Variants in PGBD1 observed in about 807,000 individuals in gnomAD.
The protein encoded by PGBD1 is piggyBac transposable element-derived protein 1.
PGBD1 carries 25 observed loss-of-function variants against 34.7 expected under a neutral mutation model. The observed-to-expected ratio is 0.72, with a 90% confidence interval of 0.52 to 1.00. The LOEUF (loss-of-function observed/expected upper bound fraction) is 1.00, where lower values mean the gene tolerates loss of function less well. Ranked by LOEUF, PGBD1 falls within the 50% of genes least tolerant of loss-of-function variation. The pLI is 0.00. For missense variants in PGBD1, 830 were observed against 959.4 expected, an observed-to-expected ratio of 0.87 and a Z score of 1.78; for synonymous variants, 292 against 335.7, an observed-to-expected ratio of 0.87 and a Z score of 1.42.
chr6:28,301,329 C>G lies in PGBD1; in HGVS notation c.1475C>G (p.Ala492Gly). 1 of 1,614,060 alleles carries G rather than the reference C, an allele frequency of 6.2e-7. No individual in the cohort carries two copies. The highest frequency in any genetic ancestry group is 8.5e-7 in the Non-Finnish European group (1 of 1,180,020). ...ACCGATCAGAACCTGGTTAGAGATG[C>G]AATCAGAAGGGACAGATTTGAATTG... The part of the protein sequence containing the change: ...SDTDQNLVRD[A>G]IRRDRFELIF... Residue 492 changes from alanine to glycine, a missense_variant, in exon 7 of 7, where the codon GCA becomes GGA. Ala to Gly is a moderately conservative substitution (Grantham distance 60). This residue lies in a region of PGBD1 where 372 missense variants were observed against 427.9 expected (regional missense o/e 0.87). Transcript: ENST00000682144.
rs1762202491 is a variant in PGBD1, at chr6:28,283,924, C to T, written c.111C>T (p.Ser37=). 1 of 1,613,976 alleles carries T rather than the reference C, an allele frequency of 6.2e-7. No homozygotes were observed. The highest frequency in any genetic ancestry group is 8.5e-7 in the Non-Finnish European group (1 of 1,179,990). ...EQVCNSQEGS[S]HTQEICRLRF... is the part of the protein sequence containing the mutation. Reference sequence around the variant, plus strand: ...TGTGCAACTCACAGGAGGGCAGCTCCCACACTCAGGAGATTTGCCGCCTGC... The same window carrying T: ...TGTGCAACTCACAGGAGGGCAGCTCTCACACTCAGGAGATTTGCCGCCTGC... The change falls in exon 2 of 7, where the codon TCC becomes TCT. Residue 37 remains serine, a synonymous_variant. Coordinates refer to ENST00000682144, the MANE Select transcript of PGBD1 (RefSeq NM_032507.4).
Position 28,283,974 on chromosome 6 carries a change from AG to A in PGBD1, c.163del (p.Ala55LeufsTer19). 1 of 1,614,194 alleles carries A rather than the reference AG, an allele frequency of 6.2e-7. No homozygotes were observed. The highest frequency in any genetic ancestry group is 8.5e-7 in the Non-Finnish European group (1 of 1,180,028). On this transcript the variant is annotated frameshift_variant, in exon 2 of 7. Coordinates refer to ENST00000682144, the MANE Select transcript of PGBD1 (RefSeq NM_032507.4). LOFTEE classifies it high-confidence loss of function. ...RLRFRHFCYQ[E>X]AHGPQEALAQ... ...CGCTTTCGGCACTTCTGCTACCAGG[AG>A]GCTCACGGACCCCAGGAAGCTCTGG...
At chr6:28,282,394 A>G (rs535347738) in intron 1 of PGBD1, among the ~76,000 whole-genome samples, 11 of 152,340 alleles carry the variant, frequency 7.2e-5, no homozygotes, top group African/African-American at 2.6e-4. Flanking sequence ...AATTTACTTC[A>G]ACGAGTTTAA....
chr6:28,284,248 AG>A (rs1413623353), intron 2 of PGBD1, 39 bp downstream of exon 2: 6 of 1,452,650 alleles, frequency 4.1e-6, no homozygotes, highest in African/African-American at 1.4e-5. Context: ...GGAGAAGAAA[AG>A]GGGGACATGT....
At position 28,292,088 on chromosome 6, in the gene PGBD1, T is replaced by C. The variant is rs374153803; in HGVS notation, c.643-4728T>C. On this transcript the variant is annotated intron_variant, in intron 4 of 6. Transcript: ENST00000682144. ...CCCGAAGTCCTGGCCAGAGCAATTATGCAAGAGAAGGAAATAAATGGCATC... is the reference window on the plus strand; with the variant it reads ...CCCGAAGTCCTGGCCAGAGCAATTACGCAAGAGAAGGAAATAAATGGCATC... Among the ~76,000 whole-genome samples the C allele has an allele frequency of 1.1e-4, 17 of 152,238 alleles. No individual in the cohort carries two copies. In the East Asian group the frequency reaches 3.1e-3, roughly 28 times the overall value.
chr6:28,293,038 G>A (rs1762512038), intron 4 of PGBD1, among the ~76,000 whole-genome samples: 2 of 152,128 alleles, frequency 1.3e-5, no homozygotes, highest in African/African-American at 4.8e-5. Context: ...TGGCTCCCTG[G>A]TTCAAGTGAT....
At chr6:28,297,816 GTTTTTTTTTTTTTT>G (rs368634720) in intron 5 of PGBD1, 65 bp from the exon 6 acceptor site, 22 of 350,516 alleles carry the variant, frequency 6.3e-5, no homozygotes, top group Admixed American at 1.3e-4. Context: ...TACCCTGGAA[GTTTTTTTTTTTTTT>G]TTTTTTTTTT....
intron 4 of PGBD1, among the ~76,000 whole-genome samples, chr6:28,288,726 C>G (rs890943443): frequency 1.3e-5 from 2 of 152,048 alleles, no homozygotes; most frequent in African/African-American, 4.8e-5. Context: ...CGTGGTGGCT[C>G]ATGCCTGTAA....
chr6:28,289,479 G>C (rs1324096781), intron 4 of PGBD1, among the ~76,000 whole-genome samples: 2 of 152,162 alleles, frequency 1.3e-5, no homozygotes, highest in African/African-American at 4.8e-5. Context: ...TGTGCATAAA[G>C]AAAACTTTTG....
chr6:28,301,497 C>G lies in PGBD1; in HGVS notation c.1643C>G (p.Ser548Ter). The change falls in exon 7 of 7, where the codon TCA (serine) becomes TGA (stop). Residue 548 changes from serine to a stop codon, truncating the protein, a stop_gained. Coordinates refer to ENST00000682144, the MANE Select transcript of PGBD1 (RefSeq NM_032507.4). LOFTEE classifies it low-confidence loss of function (END_TRUNC). ...PLEEYYCFDKSMCECFDSDQF... is the reference protein window; with the variant it reads ...PLEEYYCFDK ...GAAGAATACTATTGCTTTGATAAGT[C>G]AATGTGTGAATGCTTTGATAGTGAC... The G allele has an allele frequency of 6.2e-7, 1 of 1,613,962 alleles. No individual in the cohort carries two copies. The highest frequency in any genetic ancestry group is 8.5e-7 in the Non-Finnish European group (1 of 1,179,940).
rs1581637637 is a variant in PGBD1 at position 28,296,799 on chromosome 6, T to C, written c.643-17T>C. On this transcript the variant is annotated splice_polypyrimidine_tract_variant and intron_variant, in intron 4 of 6. Transcript: ENST00000682144. ...ATGTGAAAACAAAGAGGCTATTTTC[T>C]TTTTTTGTCTTTTTAGACATTGGTG... 6.2e-7 allele frequency: 1 copy of C among 1,613,118 alleles called. No individual in the cohort carries two copies. Among genetic ancestry groups the C allele is most frequent in the East Asian group, 2.2e-5 (1 of 44,868 alleles).
At position 28,296,798 on chromosome 6, in the gene PGBD1, C is replaced by CT; in HGVS notation, c.643-11dup. 1 of 1,613,216 alleles carries CT rather than the reference C, an allele frequency of 6.2e-7. No individual in the cohort carries two copies. Among genetic ancestry groups the CT allele is most frequent in the African/African-American group, 1.3e-5 (1 of 74,950 alleles). On this transcript the variant is annotated splice_polypyrimidine_tract_variant and intron_variant, in intron 4 of 6. Transcript: ENST00000682144. ...CATGTGAAAACAAAGAGGCTATTTT[C>CT]TTTTTTTGTCTTTTTAGACATTGGT... is the stretch of plus-strand genomic sequence containing the variant.
chr6:28,285,709 T>G lies in PGBD1; in HGVS notation c.553+2T>G. On this transcript the variant is annotated splice_donor_variant, in intron 3 of 6. Transcript: ENST00000682144. LOFTEE classifies it high-confidence loss of function. ...AAGGGAACCCCCAAGAAGTGAGTGG[T>G]GAGTGCTCGAGTGAGTTTAGTGAGG... is the stretch of plus-strand genomic sequence containing the variant. 6.2e-7 allele frequency: 1 copy of G among 1,612,820 alleles called. No individual in the cohort carries two copies. Among genetic ancestry groups the G allele is most frequent in the South Asian group, 1.1e-5 (1 of 90,972 alleles).
intron 5 of PGBD1, 111 bp downstream of exon 5, chr6:28,297,056 C>T (rs1357324068): frequency 3.2e-6 from 4 of 1,254,880 alleles, no homozygotes; most frequent in Non-Finnish European, 4.4e-6. Context: ...CCCTTCCTTT[C>T]CCTTCTTCTG....
In PGBD1 at chr6:28,302,468, CTG is replaced by C. The variant is rs1262952015; in HGVS notation, c.*187_*188del. ...TGTAACAAGTAATGTTAAAAATTGT[CTG>C]TGAGAATGTTGAACTGTAGTACCTT... On this transcript the variant is annotated 3_prime_UTR_variant, in exon 7 of 7. Transcript: ENST00000682144. The C allele has an allele frequency of 3.1e-6, 2 of 653,598 alleles. No homozygotes were observed. Among genetic ancestry groups the C allele is most frequent in the Non-Finnish European group, 4.8e-6 (2 of 414,434 alleles). 40.5% of individuals were successfully genotyped at this position (653,598 alleles called of 1,614,324 possible).
chr6:28,297,793 A>G (rs74294002), intron 5 of PGBD1, 102 bp from the exon 6 acceptor site: 10,087 of 657,674 alleles, frequency 0.015, 393 homozygotes, highest in African/African-American at 0.1. Flanking sequence ...TTTGATTTGG[A>G]ACATCTATTC....
In PGBD1 at chr6:28,295,108, CTT is replaced by C. The variant is rs142780970; in HGVS notation, c.643-1706_643-1705del. ...AATTGGTTCTAACACTCATCATTGTCTTTGAGAGGTTTAGGACTTCAGTGGAT... is the reference window on the plus strand; with the variant it reads ...AATTGGTTCTAACACTCATCATTGTCTGAGAGGTTTAGGACTTCAGTGGAT... On this transcript the variant is annotated intron_variant, in intron 4 of 6. Transcript: ENST00000682144. Among the ~76,000 whole-genome samples the C allele has an allele frequency of 9.9e-3, 1,505 of 152,208 alleles. 28 individuals are homozygous for C. The highest frequency in any genetic ancestry group is 0.034 in the African/African-American group (1,418 of 41,520).
At position 28,301,258 on chromosome 6, in the gene PGBD1, A is replaced by C. The variant is rs746626471; in HGVS notation, c.1404A>C (p.Gly468=). The change falls in exon 7 of 7, where the codon GGA becomes GGC. Residue 468 remains glycine (G), a synonymous_variant. Transcript: ENST00000682144. ...TGTTTGGTGTCTTACTTTTGAGTGG[A>C]TTTATGAGGCATCCTAGAAGGGAAA... is the stretch of plus-strand genomic sequence containing the variant. ...RCVFGVLLLS[G]FMRHPRREMY... 2.7e-5 allele frequency: 43 copies of C among 1,614,000 alleles called. No individual in the cohort carries two copies. Among genetic ancestry groups the C allele is most frequent in the Non-Finnish European group, 3.6e-5 (43 of 1,180,034 alleles).
chr6:28,297,984 C>T lies in PGBD1; in HGVS notation c.862C>T (p.Pro288Ser). 1 of 1,604,818 alleles carries T rather than the reference C, an allele frequency of 6.2e-7. No homozygotes were observed. Among genetic ancestry groups the T allele is most frequent in the African/African-American group, 1.3e-5 (1 of 74,598 alleles). The part of the protein sequence containing the change: ...MEQSGEASGK[P>S]NRECAPQIPC... ...ACAAAGTGGAGAAGCCTCAGGAAAG[C>T]CCAACAGGTGAGTGTCCATGGTCCT... Residue 288 changes from proline to serine, a missense_variant, in exon 6 of 7, where the codon CCC becomes TCC. Coordinates refer to ENST00000682144, the MANE Select transcript of PGBD1 (RefSeq NM_032507.4).
Sources: allele counts gnomAD v4.1 joint callset (sites outside exome capture counted in the v4.1 genomes callset), GRCh38; gene constraint gnomAD v4.1.1; regional missense constraint gnomAD v4.1.1; transcripts MANE v1.5; gene names NCBI Gene and HGNC (gene_info 2026-07-23, HGNC 2026-07-21).